DLC1: variants seen among roughly 807,000 people sequenced by gnomAD.
DLC1 encodes rho GTPase-activating protein 7.
In DLC1, 54 loss-of-function variants were observed where a neutral mutation model predicts 140.3. That is an observed-to-expected ratio of 0.38 (90% CI 0.31 to 0.48). DLC1 has a LOEUF of 0.48. DLC1 is among the 20% of genes least tolerant of loss of function. The pLI is 0.96. For missense variants in DLC1, 2,536 were observed against 1,907.0 expected, an observed-to-expected ratio of 1.33 and a Z score of -6.14; for synonymous variants, 986 against 728.1, an observed-to-expected ratio of 1.35 and a Z score of -5.70.
intron 2 of DLC1, among the ~76,000 whole-genome samples, chr8:13,479,339 A>T (rs1357378673): frequency 6.6e-6 from 1 of 152,218 alleles, no homozygotes; most frequent in African/African-American, 2.4e-5. Flanking sequence ...TGAGTCAAGA[A>T]GATCTCACAA....
At chr8:13,349,651 C>G (rs1300086987) in intron 4 of DLC1, among the ~76,000 whole-genome samples, 1 of 152,128 alleles carries the variant, frequency 6.6e-6, no homozygotes, top group African/African-American at 2.4e-5. Context: ...CCAGAGCTCA[C>G]CAGGTATATA....
chr8:13,416,552 C>T (rs879926263), intron 2 of DLC1, among the ~76,000 whole-genome samples: 6 of 152,096 alleles, frequency 3.9e-5, no homozygotes, highest in Non-Finnish European at 7.3e-5. Context: ...GAGATTCCCA[C>T]CTATTCTGCA....
Position 13,511,635 on chromosome 8 carries a change from G to C in DLC1, c.-126+2967C>G, listed in dbSNP as rs184484694. 1.6e-3 allele frequency among the ~76,000 whole-genome samples: 240 copies of C among 152,244 alleles called. 3 individuals carry two copies. Among genetic ancestry groups the C allele is most frequent in the Middle Eastern group, 0.014 (4 of 294 alleles). The stretch of plus-strand genomic sequence containing the variant: ...TTTATGCAAGGGGCTTATCTTTCGT[G>C]TGGGGAAAGCAGGCCCAATATTCAC... On this transcript the variant is annotated intron_variant, in intron 1 of 17. Coordinates refer to ENST00000276297, the MANE Select transcript of DLC1 (RefSeq NM_182643.3).
At chr8:13,578,618 T>C (rs1804931910) in intron 1 of DLC1, among the ~76,000 whole-genome samples, 1 of 152,156 alleles carries the variant, frequency 6.6e-6, no homozygotes, top group Non-Finnish European at 1.5e-5. Context: ...CAGGACCCTC[T>C]CCTCAGGTTC....
chr8:13,181,889 C>G (rs181622175), intron 5 of DLC1, among the ~76,000 whole-genome samples: 92 of 152,290 alleles, frequency 6.0e-4, no homozygotes, highest in African/African-American at 1.9e-3. Flanking sequence ...AATTCTAGTT[C>G]TAGATCCTCG....
At chr8:13,427,227 A>T (rs912001213) in intron 2 of DLC1, among the ~76,000 whole-genome samples, 2 of 152,096 alleles carry the variant, frequency 1.3e-5, no homozygotes, top group African/African-American at 4.8e-5. Flanking sequence ...ACTGTCATTG[A>T]CTATCAATGC....
intron 2 of DLC1, among the ~76,000 whole-genome samples, chr8:13,471,833 C>G (rs1386002224): frequency 6.6e-6 from 1 of 152,160 alleles, no homozygotes; most frequent in Non-Finnish European, 1.5e-5. Context: ...CCCTTCCACC[C>G]CCACGCTGAA....
intron 4 of DLC1, among the ~76,000 whole-genome samples, chr8:13,365,666 T>G (rs1835445848): frequency 6.6e-6 from 1 of 152,166 alleles, no homozygotes; most frequent in Non-Finnish European, 1.5e-5. Context: ...CTTCTGGGTT[T>G]CCAGACATGT....
intron 1 of DLC1, among the ~76,000 whole-genome samples, chr8:13,554,748 C>T (rs78498989): frequency 0.03 from 4,618 of 152,282 alleles, 102 homozygotes; most frequent in Non-Finnish European, 0.046. Context: ...TTTGCTTCTG[C>T]CTTTATGCTC....
chr8:13,594,955 T>C (rs1805636262), intron 1 of DLC1, among the ~76,000 whole-genome samples: 1 of 152,054 alleles, frequency 6.6e-6, no homozygotes, highest in South Asian at 2.1e-4. Flanking sequence ...TGATTCTTAA[T>C]CTTTGATTCC....
chr8:13,092,891 C>T, intron 12 of DLC1, 66 bp from the exon 13 acceptor site: 1 of 1,530,920 alleles, frequency 6.5e-7, no homozygotes, highest in South Asian at 1.2e-5. Context: ...AGGAAATGTC[C>T]CAGAGCAAAT....
At chr8:13,215,930 C>T (rs1033518373) in intron 5 of DLC1, among the ~76,000 whole-genome samples, 11 of 152,162 alleles carry the variant, frequency 7.2e-5, no homozygotes, top group African/African-American at 1.9e-4. Flanking sequence ...AGTGGCTGCT[C>T]GAATCCATTT....
chr8:13,125,759 T>C (rs1821505387), intron 5 of DLC1, among the ~76,000 whole-genome samples: 1 of 151,826 alleles, frequency 6.6e-6, no homozygotes, highest in African/African-American at 2.4e-5. Flanking sequence ...CTTATTCTTC[T>C]GCTTGAGATT....
At chr8:13,586,612 C>CACACAG (rs1057346187) in intron 1 of DLC1, among the ~76,000 whole-genome samples, 6 of 151,440 alleles carry the variant, frequency 4.0e-5, no homozygotes, top group African/African-American at 1.5e-4. Flanking sequence ...CACACACACA[C>CACACAG]ACACACACAC....
chr8:13,395,852 C>CTT (rs140863034), intron 3 of DLC1, among the ~76,000 whole-genome samples: 18 of 146,738 alleles, frequency 1.2e-4, no homozygotes, highest in East Asian at 6.0e-4. Flanking sequence ...TCTTCTTCTT[C>CTT]TTTGTTTTTT....
chr8:13,351,442 T>C (rs963450491), intron 4 of DLC1, among the ~76,000 whole-genome samples: 2 of 152,234 alleles, frequency 1.3e-5, no homozygotes, highest in Non-Finnish European at 2.9e-5. Flanking sequence ...ATTGCAAATA[T>C]GCCTTCAGCC....
chr8:13,541,006 T>C (rs1333232004), intron 1 of DLC1, among the ~76,000 whole-genome samples: 1 of 152,262 alleles, frequency 6.6e-6, no homozygotes, highest in East Asian at 1.9e-4. Flanking sequence ...TCATAGGAAC[T>C]ATTTAACCAG....
chr8:13,560,791 T>C (rs1804214089), intron 1 of DLC1, among the ~76,000 whole-genome samples: 1 of 151,730 alleles, frequency 6.6e-6, no homozygotes, highest in Non-Finnish European at 1.5e-5. Context: ...AAAAGGAAAT[T>C]TGGGCACAGA....
At chr8:13,352,237 T>C (rs2463809) in intron 4 of DLC1, among the ~76,000 whole-genome samples, 124,518 of 152,248 alleles carry the variant, frequency 0.82, 51,182 homozygotes, top group East Asian at 0.97. Flanking sequence ...CCTCTCGGCC[T>C]CACCGTCACA....
Sources: gnomAD v4.1 joint callset for allele counts (sites outside exome capture counted in the v4.1 genomes callset) on GRCh38, gnomAD v4.1.1 for gene constraint, MANE v1.5 for transcripts, NCBI Gene and HGNC (gene_info 2026-07-23, HGNC 2026-07-21) for gene names.